The following ACTR3B variants were observed in gnomAD, a reference collection of about 807,000 sequenced individuals.
The protein encoded by ACTR3B is actin related protein 3B.
A neutral mutation model predicts 59.0 loss-of-function variants in ACTR3B; 8 were observed. The observed-to-expected ratio is 0.14, with a 90% CI of 0.08 to 0.24. The LOEUF (loss-of-function observed/expected upper bound fraction) is 0.24. ACTR3B is among the 10% of genes least tolerant of loss of function. The probability of loss-of-function intolerance (pLI) is 1.00; values close to 1 mark genes in which losing one functional copy is unlikely to be tolerated. For missense variants in ACTR3B, 245 were observed against 552.3 expected, an observed-to-expected ratio of 0.44 and a Z score of 5.58; for synonymous variants, 148 against 197.9, an observed-to-expected ratio of 0.75 and a Z score of 2.12.
chr7:152,787,313 C>T (rs2098177829), intron 2 of ACTR3B, among the ~76,000 whole-genome samples: 2 of 152,006 alleles, frequency 1.3e-5, no homozygotes. Flanking sequence ...ATATCTTTGC[C>T]CATTTTTCTA....
In ACTR3B at chr7:152,801,629, A is replaced by T; in HGVS notation, c.234A>T (p.Ile78=). ...DKPTYATKWP[I]RHGIIEDWDL... is the part of the protein sequence containing the mutation. ...GGTGTCTCTTCCTCCAGTGGCCGAT[A>T]CGACATGGAATCATTGAAGACTGGG... The change falls in exon 4 of 12, where the codon ATA becomes ATT. Residue 78 remains isoleucine, a synonymous_variant. Coordinates refer to ENST00000256001, the MANE Select transcript of ACTR3B (RefSeq NM_020445.6). 1.4e-6 allele frequency: 2 copies of T among 1,430,948 alleles called. No individual in the cohort carries two copies. The highest frequency in any genetic ancestry group is 1.4e-5 in the African/African-American group (1 of 68,982). The allele number at this position is 1,430,948 out of a possible 1,614,324, so 88.6% of individuals were successfully genotyped here. A position where few individuals can be genotyped will look rare whatever the true frequency, so the allele number is the denominator to read the frequency against.
At chr7:152,799,541 C>T (rs113718551) in intron 2 of ACTR3B, among the ~76,000 whole-genome samples, 4,161 of 150,168 alleles carry the variant, frequency 0.028, 97 homozygotes, top group African/African-American at 0.065. Flanking sequence ...GACTTCAGAG[C>T]CTCCCACTGG....
At chr7:152,834,564 A>G (rs1797295405) in intron 9 of ACTR3B, among the ~76,000 whole-genome samples, 3 of 152,254 alleles carry the variant, frequency 2.0e-5, no homozygotes, top group Admixed American at 2.0e-4. Context: ...TATTAACAGC[A>G]TTATGTTGTG....
At chr7:152,831,288 A>G (rs140031133) in intron 9 of ACTR3B, among the ~76,000 whole-genome samples, 2,733 of 152,330 alleles carry the variant, frequency 0.018, 91 homozygotes, top group African/African-American at 0.063. Context: ...CTGTGGCAAC[A>G]TCGAGTAATG....
At position 152,766,099 on chromosome 7, in the gene ACTR3B, G is replaced by C. The variant is rs189384315; in HGVS notation, c.44+6173G>C. Among the ~76,000 whole-genome samples, 11 of 152,202 alleles carry C rather than the reference G, an allele frequency of 7.2e-5. No individual in the cohort carries two copies. In the East Asian group the frequency reaches 1.5e-3, roughly 21 times the overall value. ...TTAAGGTCTGTTCAGGGGTTCCGCA[G>C]ACCACTCCCAGTTCCAGTGACTTGC... is the stretch of plus-strand genomic sequence containing the variant. On this transcript the variant is annotated intron_variant, in intron 1 of 11. Transcript: ENST00000256001.
intron 9 of ACTR3B, among the ~76,000 whole-genome samples, chr7:152,842,367 G>A (rs1180245548): frequency 6.6e-5 from 10 of 152,196 alleles, no homozygotes; most frequent in Admixed American, 2.0e-4. Flanking sequence ...GAAGAGACTC[G>A]TGCCCTAAGC....
At chr7:152,810,583 A>G (rs1590330469) in intron 4 of ACTR3B, among the ~76,000 whole-genome samples, 1 of 151,126 alleles carries the variant, frequency 6.6e-6, no homozygotes, top group Non-Finnish European at 1.5e-5. Context: ...ACAGGCACAC[A>G]CCCGGCTACC....
chr7:152,831,421 G>A (rs1427583128), intron 9 of ACTR3B, among the ~76,000 whole-genome samples: 1 of 152,222 alleles, frequency 6.6e-6, no homozygotes, highest in Admixed American at 6.5e-5. Context: ...GGAGTGTGAG[G>A]ATCTGGGTCC....
intron 2 of ACTR3B, among the ~76,000 whole-genome samples, chr7:152,785,196 C>T (rs1469265761): frequency 2.0e-5 from 3 of 151,300 alleles, no homozygotes; most frequent in Non-Finnish European, 4.4e-5. Context: ...AACCTGTCAT[C>T]ATTAATAGAG....
At chr7:152,798,190 C>T (rs2098223935) in intron 2 of ACTR3B, among the ~76,000 whole-genome samples, 1 of 152,082 alleles carries the variant, frequency 6.6e-6, no homozygotes, top group Admixed American at 6.6e-5. Context: ...ACATCATCAC[C>T]AACACTTACT....
At chr7:152,819,452 C>A (rs957303163) in intron 6 of ACTR3B, among the ~76,000 whole-genome samples, 4 of 152,252 alleles carry the variant, frequency 2.6e-5, no homozygotes, top group Non-Finnish European at 4.4e-5. Flanking sequence ...CGGTCAGCAT[C>A]CTGCTCATCC....
intron 9 of ACTR3B, among the ~76,000 whole-genome samples, chr7:152,833,604 T>C (rs1590405542): frequency 6.6e-6 from 1 of 152,050 alleles, no homozygotes; most frequent in African/African-American, 2.4e-5. Flanking sequence ...GTCTGTTAAA[T>C]GGAGTTAAGA....
chr7:152,842,582 CT>C (rs1242239557), intron 9 of ACTR3B, among the ~76,000 whole-genome samples: 1 of 152,190 alleles, frequency 6.6e-6, no homozygotes, highest in Non-Finnish European at 1.5e-5. Context: ...CTGTTTCCGG[CT>C]TCCTTCACTC....
intron 1 of ACTR3B, among the ~76,000 whole-genome samples, chr7:152,762,274 G>A (rs1429586242): frequency 1.3e-5 from 2 of 152,198 alleles, no homozygotes; most frequent in Non-Finnish European, 2.9e-5. Context: ...TGACTAGGCT[G>A]CATAGTTTTC....
intron 9 of ACTR3B, among the ~76,000 whole-genome samples, chr7:152,828,395 C>G (rs1253616086): frequency 5.3e-5 from 8 of 152,178 alleles, no homozygotes; most frequent in Admixed American, 6.5e-5. Context: ...TAGGGTCCCT[C>G]CAGAAGCAGC....
At chr7:152,771,348 A>G (rs2098123457) in intron 1 of ACTR3B, among the ~76,000 whole-genome samples, 1 of 152,266 alleles carries the variant, frequency 6.6e-6, no homozygotes, top group Non-Finnish European at 1.5e-5. Flanking sequence ...TTAAAAGATT[A>G]AAGAAAGCTA....
At chr7:152,790,535 G>T (rs2098192163) in intron 2 of ACTR3B, among the ~76,000 whole-genome samples, 1 of 151,918 alleles carries the variant, frequency 6.6e-6, no homozygotes, top group South Asian at 2.1e-4. Flanking sequence ...GAAATATGAA[G>T]TACATGCTGA....
intron 9 of ACTR3B, 33 bp downstream of exon 9, chr7:152,825,155 C>G: frequency 6.3e-7 from 1 of 1,599,252 alleles, no homozygotes; most frequent in East Asian, 2.2e-5. Context: ...ACTTTGATTT[C>G]ATTCCACAAT....
At position 152,844,569 on chromosome 7, in the gene ACTR3B, T is replaced by C. The variant is rs532364118; in HGVS notation, c.952-7557T>C. Among the ~76,000 whole-genome samples, 708 of 150,358 alleles carry C rather than the reference T, an allele frequency of 4.7e-3. 5 individuals are homozygous for C. The highest frequency in any genetic ancestry group is 0.012 in the African/African-American group (510 of 40,804). Reference sequence around the variant, plus strand: ...ATGGCCATTCTAGATGTAATGGTCATTTACCATTTCAAGAAACAAAGTTTT... The same window carrying C: ...ATGGCCATTCTAGATGTAATGGTCACTTACCATTTCAAGAAACAAAGTTTT... On this transcript the variant is annotated intron_variant, in intron 9 of 11. Coordinates refer to ENST00000256001, the MANE Select transcript of ACTR3B (RefSeq NM_020445.6).
Sources: gnomAD v4.1 joint callset for allele counts (sites outside exome capture counted in the v4.1 genomes callset) on GRCh38, gnomAD v4.1.1 for gene constraint, MANE v1.5 for transcripts, NCBI Gene and HGNC (gene_info 2026-07-23, HGNC 2026-07-21) for gene names.